PTPRR: variants seen among roughly 807,000 people sequenced by gnomAD.
PTPRR encodes protein tyrosine phosphatase receptor type R.
PTPRR carries 38 observed loss-of-function variants against 77.2 expected under a neutral mutation model. The ratio of observed to expected loss-of-function variants is 0.49; its 90% CI spans 0.38 to 0.65. PTPRR has a LOEUF of 0.65. PTPRR is among the 30% of genes least tolerant of loss of function. PTPRR has a pLI of 0.00. For missense variants in PTPRR, 744 were observed against 799.2 expected (o/e 0.93, Z 0.83); for synonymous variants, 299 against 283.1 (o/e 1.06, Z -0.57).
chr12:70,682,137 G>A (rs919510245), intron 10 of PTPRR, among the ~76,000 whole-genome samples: 43 of 140,364 alleles, frequency 3.1e-4, no homozygotes, highest in African/African-American at 1.2e-3. Flanking sequence ...TCCGCCTCCC[G>A]GGTTCACGCC....
intron 8 of PTPRR, among the ~76,000 whole-genome samples, chr12:70,693,826 T>C (rs754065495): frequency 3.7e-4 from 56 of 152,204 alleles, no homozygotes; most frequent in Non-Finnish European, 5.9e-4. Flanking sequence ...TAAACTTCTC[T>C]ATACATAGAT....
intron 2 of PTPRR, among the ~76,000 whole-genome samples, chr12:70,815,282 A>T (rs1891883176): frequency 6.6e-6 from 1 of 152,124 alleles, no homozygotes; most frequent in Non-Finnish European, 1.5e-5. Context: ...AACTTTCCAA[A>T]ATGAAACAGA....
intron 6 of PTPRR, among the ~76,000 whole-genome samples, chr12:70,728,487 T>TATATACAC (rs1565669280): frequency 2.4e-4 from 2 of 8,304 alleles, no homozygotes; most frequent in African/African-American, 3.0e-4. Flanking sequence ...TATATATATA[T>TATATACAC]ATATATGTAT....
chr12:70,891,116 C>G (rs1157278245), intron 2 of PTPRR, among the ~76,000 whole-genome samples: 1 of 152,078 alleles, frequency 6.6e-6, no homozygotes, highest in African/African-American at 2.4e-5. Context: ...TGCCTATTGC[C>G]TCTATGTAAT....
intron 2 of PTPRR, among the ~76,000 whole-genome samples, chr12:70,765,217 C>A (rs1177859040): frequency 3.3e-5 from 5 of 152,182 alleles, no homozygotes; most frequent in Non-Finnish European, 7.3e-5. Context: ...CATTGCCTCA[C>A]TCGGGAAGTG....
At chr12:70,832,650 AGAG>A (rs1187883127) in intron 2 of PTPRR, among the ~76,000 whole-genome samples, 3 of 152,196 alleles carry the variant, frequency 2.0e-5, no homozygotes, top group African/African-American at 4.8e-5. Flanking sequence ...ATAGGAACCA[AGAG>A]GATATCACAA....
At chr12:70,711,239 A>G (rs1888818114) in intron 6 of PTPRR, among the ~76,000 whole-genome samples, 1 of 152,174 alleles carries the variant, frequency 6.6e-6, no homozygotes, top group Non-Finnish European at 1.5e-5. Context: ...TGTCCTTTGC[A>G]GGGACATGGA....
intron 2 of PTPRR, among the ~76,000 whole-genome samples, chr12:70,879,759 G>A (rs920971834): frequency 5.3e-5 from 8 of 152,128 alleles, no homozygotes; most frequent in South Asian, 2.1e-4. Flanking sequence ...CTATTTTGGC[G>A]TAGTGACTGT....
intron 6 of PTPRR, among the ~76,000 whole-genome samples, chr12:70,712,585 C>T (rs1232809003): frequency 6.6e-6 from 1 of 150,578 alleles, no homozygotes; most frequent in Non-Finnish European, 1.5e-5. Context: ...GTTTTATTAT[C>T]TATATTATGT....
intron 6 of PTPRR, among the ~76,000 whole-genome samples, chr12:70,740,910 A>G (rs1890025549): frequency 6.6e-6 from 1 of 152,144 alleles, no homozygotes; most frequent in Non-Finnish European, 1.5e-5. Flanking sequence ...ATATATATAT[A>G]TAAATTAAAT....
intron 1 of PTPRR, among the ~76,000 whole-genome samples, chr12:70,917,155 C>G (rs974391478): frequency 6.6e-6 from 1 of 152,042 alleles, no homozygotes; most frequent in Admixed American, 6.6e-5. Context: ...ATTTTTTTAC[C>G]ATTCGTATTA....
chr12:70,729,332 CTA>C (rs1473585690), intron 6 of PTPRR, among the ~76,000 whole-genome samples: 2 of 5,742 alleles, frequency 3.5e-4, no homozygotes, highest in Non-Finnish European at 4.8e-4. Flanking sequence ...ATCTGTCTAT[CTA>C]TCTATCTATC....
chr12:70,814,403 TCTC>T (rs879912675), intron 2 of PTPRR, among the ~76,000 whole-genome samples: 2 of 152,212 alleles, frequency 1.3e-5, no homozygotes, highest in Admixed American at 1.3e-4. Flanking sequence ...TGCCCCTTTC[TCTC>T]CTCCCAGAGA....
At chr12:70,812,082 G>A (rs1004713935) in intron 2 of PTPRR, among the ~76,000 whole-genome samples, 1 of 152,198 alleles carries the variant, frequency 6.6e-6, no homozygotes, top group African/African-American at 2.4e-5. Flanking sequence ...TTTCTGCTAT[G>A]CAAGAACAGT....
intron 2 of PTPRR, among the ~76,000 whole-genome samples, chr12:70,858,954 CT>C (rs35314579): frequency 0.029 from 4,046 of 137,822 alleles, 65 homozygotes; most frequent in African/African-American, 0.043. Context: ...GCATTTCGCC[CT>C]TTTTTTTTTT....
At chr12:70,739,036 A>T (rs1277507004) in intron 6 of PTPRR, among the ~76,000 whole-genome samples, 1 of 152,230 alleles carries the variant, frequency 6.6e-6, no homozygotes, top group Non-Finnish European at 1.5e-5. Context: ...CCAATTTATA[A>T]GTATGTACTT....
chr12:70,754,535 G>C, intron 4 of PTPRR: 2 of 1,587,886 alleles, frequency 1.3e-6, no homozygotes, highest in Non-Finnish European at 1.7e-6. Flanking sequence ...CATGGCATCT[G>C]CAGGTCCCAG....
At chr12:70,766,833 A>G (rs900584220) in intron 2 of PTPRR, among the ~76,000 whole-genome samples, 8 of 152,218 alleles carry the variant, frequency 5.3e-5, no homozygotes, top group Non-Finnish European at 1.0e-4. Context: ...AAACTCTACA[A>G]GCCAGAAGAG....
At chr12:70,814,888 T>A (rs936198838) in intron 2 of PTPRR, among the ~76,000 whole-genome samples, 1 of 152,052 alleles carries the variant, frequency 6.6e-6, no homozygotes, top group Non-Finnish European at 1.5e-5. Flanking sequence ...GGCATAAAAA[T>A]ATTTGGCACC....
Sources: gnomAD v4.1 joint callset for allele counts (sites outside exome capture counted in the v4.1 genomes callset) on GRCh38, gnomAD v4.1.1 for gene constraint, MANE v1.5 for transcripts, NCBI Gene and HGNC (gene_info 2026-07-23, HGNC 2026-07-21) for gene names.